The following PLXNA4 variants were observed in gnomAD, a reference collection of about 807,000 sequenced individuals.
The protein encoded by PLXNA4 is plexin-A4.
Under a neutral mutation model 191.8 loss-of-function variants are expected in PLXNA4, and 44 were observed. The observed-to-expected ratio is 0.23, with a 90% CI of 0.18 to 0.29. The LOEUF (loss-of-function observed/expected upper bound fraction) is 0.29. Ranked by LOEUF, PLXNA4 falls within the 10% of genes least tolerant of loss-of-function variation. PLXNA4 has a pLI of 1.00. For missense variants in PLXNA4, 1,800 were observed against 2,488.8 expected, an observed-to-expected ratio of 0.72 and a Z score of 5.89; for synonymous variants, 1,082 against 1,009.5, an observed-to-expected ratio of 1.07 and a Z score of -1.36.
chr7:132,316,699 T>C (rs762481870), intron 3 of PLXNA4, among the ~76,000 whole-genome samples: 2 of 152,200 alleles, frequency 1.3e-5, no homozygotes, highest in Non-Finnish European at 2.9e-5. Flanking sequence ...TCCAAATTCA[T>C]GACACCACTG....
chr7:132,350,376 C>T (rs186073628), intron 3 of PLXNA4, among the ~76,000 whole-genome samples: 299 of 152,042 alleles, frequency 2.0e-3, no homozygotes, highest in African/African-American at 6.8e-3. Context: ...CATGGTGGTG[C>T]GCACCTGTAG....
Position 132,570,724 on chromosome 7 carries a change from A to G in PLXNA4, c.-87+5698T>C, listed in dbSNP as rs191454828. ...CAGCGAGGCTGTGTTCAGCGCATTG[A>G]CTGCGGAGACTATCCTCTTAGCTAG... On this transcript the variant is annotated intron_variant, in intron 1 of 31. Coordinates refer to ENST00000321063, the MANE Select transcript of PLXNA4 (RefSeq NM_020911.2). Among the ~76,000 whole-genome samples the G allele has an allele frequency of 4.5e-3, 686 of 152,310 alleles. 16 individuals are homozygous for G. The highest frequency in any genetic ancestry group is 3.7e-3 in the Non-Finnish European group (250 of 68,036).
intron 2 of PLXNA4, among the ~76,000 whole-genome samples, chr7:132,627,169 T>C (rs779652883): frequency 1.3e-5 from 2 of 152,202 alleles, no homozygotes; most frequent in African/African-American, 2.4e-5. Flanking sequence ...AGAAGAATGG[T>C]ATTCCTTCCC....
At chr7:132,242,260 C>T (rs968551494) in intron 4 of PLXNA4, among the ~76,000 whole-genome samples, 10 of 151,890 alleles carry the variant, frequency 6.6e-5, no homozygotes, top group Non-Finnish European at 1.3e-4. Flanking sequence ...TTTGATGTGG[C>T]CATCCTTTTA....
At chr7:132,239,559 T>C (rs1306363320) in intron 5 of PLXNA4, among the ~76,000 whole-genome samples, 1 of 152,006 alleles carries the variant, frequency 6.6e-6, no homozygotes, top group African/African-American at 2.4e-5. Flanking sequence ...AGGCAATGAG[T>C]TTAGAGTACA....
Position 132,507,869 on chromosome 7 carries a change from C to T in PLXNA4, c.825G>A (p.Val275=), listed in dbSNP as rs962424156. The T allele has an allele frequency of 2.5e-6, 4 of 1,614,068 alleles. No homozygotes were observed. Among genetic ancestry groups the T allele is most frequent in the South Asian group, 1.1e-5 (1 of 91,090 alleles). ...AAAGCCTCACGAGCTTGGATGTATA[C>T]ACCTGCTCCTTGGTGGTGGAGCCTG... ...SPPGSTTKEQ[V]YTSKLVRLCK... is the part of the protein sequence containing the mutation. The change falls in exon 2 of 32, where the codon GTG becomes GTA. Residue 275 remains valine (V), a synonymous_variant. Coordinates refer to ENST00000321063, the MANE Select transcript of PLXNA4 (RefSeq NM_020911.2).
At chr7:132,433,712 C>CTG (rs1307859803) in intron 3 of PLXNA4, among the ~76,000 whole-genome samples, 1 of 152,116 alleles carries the variant, frequency 6.6e-6, no homozygotes, top group Non-Finnish European at 1.5e-5. Context: ...AAGACCTGAC[C>CTG]TGTGATACCT....
intron 29 of PLXNA4, among the ~76,000 whole-genome samples, chr7:132,143,579 T>G (rs2116554998): frequency 6.6e-6 from 1 of 152,228 alleles, no homozygotes; most frequent in South Asian, 2.1e-4. Flanking sequence ...GCTGCTAACA[T>G]TCAATGGAGG....
rs374235355 is a variant in PLXNA4, at chr7:132,516,440, G to A, written c.-86-7661C>T. 2.6e-5 allele frequency among the ~76,000 whole-genome samples: 4 copies of A among 152,276 alleles called. No individual in the cohort carries two copies. In the East Asian group the frequency reaches 7.7e-4, roughly 29 times the overall value. ...ACTTTGAGAACCACCATCCTATGCA[G>A]CAAAGGAAATCAGTATGGACCTGGT... On this transcript the variant is annotated intron_variant, in intron 1 of 31. Transcript: ENST00000321063.
intron 3 of PLXNA4, 27 bp from the exon 4 acceptor site, chr7:132,298,249 G>A (rs75687937): frequency 9.4e-6 from 15 of 1,599,982 alleles, no homozygotes; most frequent in Admixed American, 3.4e-5. Context: ...GAGAGCCAAA[G>A]TGAGTTCAGA....
chr7:132,566,502 C>T, intron 1 of PLXNA4, among the ~76,000 whole-genome samples: 1 of 152,158 alleles, frequency 6.6e-6, no homozygotes, highest in East Asian at 1.9e-4. Flanking sequence ...TTTGTTTCAA[C>T]CGTCCAAAGT....
At chr7:132,499,064 G>A (rs1039226027) in intron 2 of PLXNA4, among the ~76,000 whole-genome samples, 9 of 152,220 alleles carry the variant, frequency 5.9e-5, no homozygotes, top group Admixed American at 3.9e-4. Flanking sequence ...GTTTTCCCTG[G>A]AGAAGGGCAT....
At chr7:132,588,734 GAAA>G (rs1189616915) in intron 2 of PLXNA4, among the ~76,000 whole-genome samples, 1 of 135,558 alleles carries the variant, frequency 7.4e-6, no homozygotes, top group African/African-American at 2.8e-5. Context: ...AAGAAAAAAA[GAAA>G]AAGAAAGAAA....
chr7:132,479,288 A>G (rs1353198829), intron 3 of PLXNA4, among the ~76,000 whole-genome samples: 1 of 151,792 alleles, frequency 6.6e-6, no homozygotes, highest in African/African-American at 2.4e-5. Context: ...AAAAAAAAAA[A>G]ATTCCCAAAA....
intron 2 of PLXNA4, among the ~76,000 whole-genome samples, chr7:132,642,402 T>A (rs1803761093): frequency 6.6e-6 from 1 of 151,960 alleles, no homozygotes; most frequent in Admixed American, 6.6e-5. Flanking sequence ...TGATTACAAG[T>A]CTACAGAATG....
At chr7:132,407,410 A>T (rs1246596583) in intron 3 of PLXNA4, among the ~76,000 whole-genome samples, 2 of 152,100 alleles carry the variant, frequency 1.3e-5, no homozygotes, top group Non-Finnish European at 2.9e-5. Flanking sequence ...GAGTCCATTG[A>T]TCCGGCACTC....
rs551973307 is a variant in PLXNA4, at chr7:132,137,618, G to C, written c.5438+2981C>G. 2.6e-5 allele frequency among the ~76,000 whole-genome samples: 4 copies of C among 152,176 alleles called. No homozygotes were observed. In the East Asian group the frequency reaches 7.7e-4, roughly 29 times the overall value. ...GCAAAAGCTTAAATTCTTGGATGAGGGGAATGAATACTGGGAATCCACAGT... is the reference window on the plus strand; with the variant it reads ...GCAAAAGCTTAAATTCTTGGATGAGCGGAATGAATACTGGGAATCCACAGT... On this transcript the variant is annotated intron_variant, in intron 30 of 31. Coordinates refer to ENST00000321063, the MANE Select transcript of PLXNA4 (RefSeq NM_020911.2).
intron 3 of PLXNA4, among the ~76,000 whole-genome samples, chr7:132,314,111 G>A (rs894201647): frequency 3.3e-5 from 5 of 152,090 alleles, no homozygotes; most frequent in African/African-American, 7.2e-5. Flanking sequence ...AAGACACACC[G>A]ATTTAATTAC....
intron 3 of PLXNA4, among the ~76,000 whole-genome samples, chr7:132,451,305 C>T (rs1443497052): frequency 6.6e-6 from 1 of 152,190 alleles, no homozygotes; most frequent in Non-Finnish European, 1.5e-5. Flanking sequence ...TGGGCCTCCT[C>T]TTTGCTGCAT....
Sources: gnomAD v4.1 joint callset for allele counts (sites outside exome capture counted in the v4.1 genomes callset) on GRCh38, gnomAD v4.1.1 for gene constraint, MANE v1.5 for transcripts, NCBI Gene and HGNC (gene_info 2026-07-23, HGNC 2026-07-21) for gene names.